Variants in ACVR1C observed in about 807,000 individuals in gnomAD.
ACVR1C encodes activin receptor type-1C.
Under a neutral mutation model 57.9 loss-of-function variants are expected in ACVR1C, and 23 were observed. That is an observed-to-expected ratio of 0.40 (90% CI 0.29 to 0.56). The LOEUF (loss-of-function observed/expected upper bound fraction) is 0.56. Ranked by LOEUF, ACVR1C falls within the 20% of genes least tolerant of loss-of-function variation. The pLI is 0.50. For synonymous variants in ACVR1C, 214 were observed against 215.3 expected (o/e 0.99, Z 0.05); for missense variants, 480 against 607.9 (o/e 0.79, Z 2.21).
At chr2:157,617,212 T>C (rs1682673524) in intron 1 of ACVR1C, among the ~76,000 whole-genome samples, 1 of 152,102 alleles carries the variant, frequency 6.6e-6, no homozygotes, top group African/African-American at 2.4e-5. Context: ...GGACGTCTTA[T>C]ATTAATTAAA....
chr2:157,572,684 T>C (rs1688545146), intron 2 of ACVR1C, among the ~76,000 whole-genome samples: 1 of 152,220 alleles, frequency 6.6e-6, no homozygotes, highest in South Asian at 2.1e-4. Context: ...AATTTCATAA[T>C]GTAAATCAGT....
At chr2:157,608,494 T>G (rs1285210366) in intron 1 of ACVR1C, among the ~76,000 whole-genome samples, 2 of 151,796 alleles carry the variant, frequency 1.3e-5, no homozygotes, top group African/African-American at 4.8e-5. Flanking sequence ...TTGCTGGCCT[T>G]AAAAAATGAG....
intron 2 of ACVR1C, among the ~76,000 whole-genome samples, chr2:157,584,648 T>C (rs1688873913): frequency 6.6e-6 from 1 of 152,196 alleles, no homozygotes; most frequent in Admixed American, 6.5e-5. Context: ...GTTAGGGATA[T>C]AAAATATTAT....
At chr2:157,554,156 CTAGGT>C (rs1687992813) in intron 3 of ACVR1C, among the ~76,000 whole-genome samples, 1 of 137,662 alleles carries the variant, frequency 7.3e-6, no homozygotes, top group Non-Finnish European at 1.5e-5. Flanking sequence ...GCACTCCAGC[CTAGGT>C]AACAGGGTGA....
At chr2:157,584,539 A>G (rs541661161) in intron 2 of ACVR1C, among the ~76,000 whole-genome samples, 1 of 152,374 alleles carries the variant, frequency 6.6e-6, no homozygotes, top group South Asian at 2.1e-4. Flanking sequence ...CCACAATAAA[A>G]TACCAATACA....
Position 157,595,822 on chromosome 2 carries a change from G to C in ACVR1C, c.74-8405C>G, listed in dbSNP as rs138687970. The stretch of plus-strand genomic sequence containing the variant: ...GGCCTTTGCTCTTCTTGTTCCCTTT[G>C]CCTGTAGTATTCTCCCCTTTCTTCT... On this transcript the variant is annotated intron_variant, in intron 1 of 8. Coordinates refer to ENST00000243349, the MANE Select transcript of ACVR1C (RefSeq NM_145259.3). Among the ~76,000 whole-genome samples the C allele has an allele frequency of 7.4e-4, 112 of 152,160 alleles. No individual in the cohort carries two copies. The East Asian group carries it at 0.02, about 28-fold the overall frequency.
chr2:157,576,500 A>G (rs1207730522), intron 2 of ACVR1C, among the ~76,000 whole-genome samples: 8 of 151,946 alleles, frequency 5.3e-5, no homozygotes, highest in Admixed American at 5.2e-4. Flanking sequence ...CAATGTGCCC[A>G]GCCTGGAATA....
chr2:157,616,517 CT>C lies in ACVR1C; in HGVS notation c.73+12054del, dbSNP rs549200927. On this transcript the variant is annotated intron_variant, in intron 1 of 8. Coordinates refer to ENST00000243349, the MANE Select transcript of ACVR1C (RefSeq NM_145259.3). ...TTATTTTAAATTCCTTGCCTAATAGCTTTAAAATATGCATCATATCTAAATC... is the reference window on the plus strand; with the variant it reads ...TTATTTTAAATTCCTTGCCTAATAGCTTAAAATATGCATCATATCTAAATC... 6.0e-3 allele frequency among the ~76,000 whole-genome samples: 910 copies of C among 152,234 alleles called. 11 individuals carry two copies. Among genetic ancestry groups the C allele is most frequent in the African/African-American group, 0.02 (841 of 41,542 alleles).
chr2:157,616,205 G>A (rs1337571510), intron 1 of ACVR1C, among the ~76,000 whole-genome samples: 1 of 151,876 alleles, frequency 6.6e-6, no homozygotes, highest in Non-Finnish European at 1.5e-5. Context: ...GGGTCTTTTT[G>A]CTCCTCCCTC....
chr2:157,610,024 ATTCT>A (rs1266100830), intron 1 of ACVR1C, among the ~76,000 whole-genome samples: 4 of 151,844 alleles, frequency 2.6e-5, no homozygotes, highest in African/African-American at 9.7e-5. Flanking sequence ...TGTTTTATAA[ATTCT>A]TTGTTCCTTT....
intron 2 of ACVR1C, among the ~76,000 whole-genome samples, chr2:157,580,546 A>C (rs1466960309): frequency 5.3e-5 from 8 of 152,232 alleles, no homozygotes; most frequent in African/African-American, 1.7e-4. Context: ...TACACTTTAG[A>C]TGTCCACAGA....
intron 7 of ACVR1C, among the ~76,000 whole-genome samples, chr2:157,538,970 A>G (rs1403312647): frequency 2.0e-5 from 3 of 148,386 alleles, no homozygotes; most frequent in East Asian, 3.9e-4. Context: ...AATATATAAC[A>G]CATAATTTTA....
intron 7 of ACVR1C, among the ~76,000 whole-genome samples, chr2:157,540,297 C>T (rs1419550861): frequency 6.6e-6 from 1 of 152,174 alleles, no homozygotes; most frequent in Non-Finnish European, 1.5e-5. Context: ...TCCACTGATG[C>T]AACTGTTTCA....
chr2:157,563,103 T>C (rs1292311631), intron 2 of ACVR1C, among the ~76,000 whole-genome samples: 1 of 152,170 alleles, frequency 6.6e-6, no homozygotes, highest in Non-Finnish European at 1.5e-5. Context: ...GAACATAGTA[T>C]TGGAAGTTCT....
intron 1 of ACVR1C, among the ~76,000 whole-genome samples, chr2:157,627,451 A>G (rs1372892980): frequency 2.0e-5 from 3 of 152,230 alleles, no homozygotes; most frequent in African/African-American, 7.2e-5. Flanking sequence ...TTCAATAATC[A>G]AATTTATATT....
chr2:157,563,747 T>A (rs1162321455), intron 2 of ACVR1C, among the ~76,000 whole-genome samples: 1 of 152,226 alleles, frequency 6.6e-6, no homozygotes, highest in Admixed American at 6.5e-5. Context: ...CAAAACAGCA[T>A]GGTACTGGTA....
At chr2:157,580,100 C>G (rs576785469) in intron 2 of ACVR1C, among the ~76,000 whole-genome samples, 1 of 151,902 alleles carries the variant, frequency 6.6e-6, no homozygotes, top group Non-Finnish European at 1.5e-5. Flanking sequence ...CACGCGCGCA[C>G]GCACACACGT....
intron 2 of ACVR1C, among the ~76,000 whole-genome samples, chr2:157,569,511 T>C (rs1688473609): frequency 2.9e-5 from 3 of 102,526 alleles, no homozygotes; most frequent in African/African-American, 4.2e-5. Flanking sequence ...ATAGACACAA[T>C]AGAAAATGAT....
chr2:157,559,644 G>T (rs189501461), intron 2 of ACVR1C, among the ~76,000 whole-genome samples: 1 of 152,134 alleles, frequency 6.6e-6, no homozygotes, highest in East Asian at 1.9e-4. Context: ...TCCATGGGGG[G>T]ACACGTTAAA....
Sources: allele counts gnomAD v4.1 joint callset (sites outside exome capture counted in the v4.1 genomes callset), GRCh38; gene constraint gnomAD v4.1.1; transcripts MANE v1.5; gene names NCBI Gene and HGNC (gene_info 2026-07-23, HGNC 2026-07-21).